The following PTPDC1 variants were observed in gnomAD, a reference collection of about 807,000 sequenced individuals.
The protein encoded by PTPDC1 is protein tyrosine phosphatase domain-containing protein 1.
Under a neutral mutation model 75.3 loss-of-function variants are expected in PTPDC1, and 53 were observed. That is an observed-to-expected ratio of 0.70 (90% CI 0.56 to 0.88). The LOEUF (loss-of-function observed/expected upper bound fraction) is 0.88. PTPDC1 is among the 40% of genes least tolerant of loss of function. The pLI is 0.00. For synonymous variants in PTPDC1, 349 were observed against 366.2 expected (o/e 0.95, Z 0.54); for missense variants, 925 against 998.6 (o/e 0.93, Z 0.99).
chr9:94,032,675 A>G (rs1210055692), intron 1 of PTPDC1, among the ~76,000 whole-genome samples: 1 of 152,098 alleles, frequency 6.6e-6, no homozygotes. Flanking sequence ...TTTGAAAGTT[A>G]CTATTAAAGT....
At chr9:94,032,494 C>T (rs1416100839) in intron 1 of PTPDC1, among the ~76,000 whole-genome samples, 1 of 152,168 alleles carries the variant, frequency 6.6e-6, no homozygotes, top group Non-Finnish European at 1.5e-5. Context: ...ACCATTCAAG[C>T]TTTGGAAGGA....
At chr9:94,083,957 A>G (rs1428740200), upstream of PTPDC1, among the ~76,000 whole-genome samples, 1 of 152,262 alleles carries the variant, frequency 6.6e-6, no homozygotes, top group Non-Finnish European at 1.5e-5. Context: ...AGTTTTACCA[A>G]GAAAAAATAG....
chr9:94,047,484 A>G (rs1368890448), intron 1 of PTPDC1, among the ~76,000 whole-genome samples: 10 of 152,292 alleles, frequency 6.6e-5, no homozygotes. Context: ...TAAAATTGAC[A>G]CCCTAACATC....
intron 4 of PTPDC1, among the ~76,000 whole-genome samples, chr9:94,093,715 G>A (rs1436590845): frequency 1.4e-5 from 2 of 144,808 alleles, no homozygotes; most frequent in Non-Finnish European, 3.0e-5. Flanking sequence ...TCACTTTCAG[G>A]TACACCAATC....
rs1304053161 is a variant in PTPDC1 at position 94,107,967 on chromosome 9, C to T, written c.*23C>T. 7.1e-7 allele frequency: 1 copy of T among 1,408,012 alleles called. No homozygotes were observed. The highest frequency in any genetic ancestry group is 1.3e-5 in the South Asian group (1 of 76,808). 87.2% of individuals were successfully genotyped at this position (1,408,012 alleles called of 1,614,324 possible). A position where few individuals can be genotyped will look rare whatever the true frequency, so the allele number is the denominator to read the frequency against. On this transcript the variant is annotated 3_prime_UTR_variant, in exon 9 of 9. Coordinates refer to ENST00000620992, the MANE Select transcript of PTPDC1 (RefSeq NM_001253829.2). Reference sequence around the variant, plus strand: ...TAGCTTTCACTCGTGGTGAATATTTCAGACCTAAAGATCCAGATAGTATCT... The same window carrying T: ...TAGCTTTCACTCGTGGTGAATATTTTAGACCTAAAGATCCAGATAGTATCT...
intron 1 of PTPDC1, among the ~76,000 whole-genome samples, chr9:94,040,829 T>A (rs1032360607): frequency 1.3e-5 from 2 of 152,228 alleles, no homozygotes; most frequent in Admixed American, 1.3e-4. Flanking sequence ...TAGCTCCTTT[T>A]ACCTGAAGAC....
At chr9:94,076,744 A>G (rs1026769149) in intron 2 of PTPDC1, among the ~76,000 whole-genome samples, 1 of 152,166 alleles carries the variant, frequency 6.6e-6, no homozygotes, top group Non-Finnish European at 1.5e-5. Context: ...TAATCATTTG[A>G]GGAACTGCCA....
In PTPDC1 at chr9:94,101,676, A is replaced by G; in HGVS notation, c.2124A>G (p.Val708=). The G allele has an allele frequency of 1.2e-6, 2 of 1,613,954 alleles. No homozygotes were observed. The highest frequency in any genetic ancestry group is 2.7e-5 in the African/African-American group (2 of 75,038). Residue 708 remains valine, a synonymous_variant, in exon 7 of 9, where the codon GTA becomes GTG. Transcript: ENST00000620992. ...GGGTGGAGCAACTGAAGGAGCCTGT[A>G]ATCACCAAAGAGGATGTGGACATGT... is the stretch of plus-strand genomic sequence containing the variant. The part of the protein sequence containing the change: ...WSWVEQLKEP[V]ITKEDVDMLV...
intron 8 of PTPDC1, among the ~76,000 whole-genome samples, chr9:94,107,525 G>C (rs1828066066): frequency 6.6e-6 from 1 of 152,152 alleles, no homozygotes; most frequent in Non-Finnish European, 1.5e-5. Context: ...TACCATCAAT[G>C]ATTAGTCTCA....
intron 1 of PTPDC1, among the ~76,000 whole-genome samples, chr9:94,057,807 G>A (rs1274979847): frequency 6.6e-6 from 1 of 152,086 alleles, no homozygotes; most frequent in African/African-American, 2.4e-5. Flanking sequence ...TTATGCAAAG[G>A]TAATGCATAT....
chr9:94,033,323 A>G (rs572385701), intron 1 of PTPDC1, among the ~76,000 whole-genome samples: 114 of 152,360 alleles, frequency 7.5e-4, no homozygotes, highest in African/African-American at 2.5e-3. Context: ...AAAATGATGT[A>G]AGTTGAATAA....
At chr9:94,066,958 T>C (rs1826329411) in intron 2 of PTPDC1, among the ~76,000 whole-genome samples, 1 of 152,130 alleles carries the variant, frequency 6.6e-6, no homozygotes, top group Non-Finnish European at 1.5e-5. Context: ...ATTTGTATCA[T>C]CCCCCATATA....
chr9:94,034,549 CAGAAA>C (rs1385033897), intron 1 of PTPDC1, among the ~76,000 whole-genome samples: 2 of 151,968 alleles, frequency 1.3e-5, no homozygotes, highest in East Asian at 3.9e-4. Flanking sequence ...ACCAAACAAA[CAGAAA>C]AGAAAACAGA....
At position 94,087,835 on chromosome 9, in the gene PTPDC1, A is replaced by T; in HGVS notation, c.421A>T (p.Thr141Ser). The change falls in exon 3 of 9, where the codon ACT becomes TCT. Residue 141 changes from threonine to serine, a missense_variant. Physicochemically the swap from Thr to Ser is moderately conservative, Grantham distance 58. Transcript: ENST00000620992. ...AIKGVYSSWV[T>S]DNILAMARPS... ...AGTCCCTCCACCTATTTGCAGGGTC[A>T]CTGATAATATACTGGCCATGGCCCG... is the stretch of plus-strand genomic sequence containing the variant. 1 of 1,612,798 alleles carries T rather than the reference A, an allele frequency of 6.2e-7. No individual in the cohort carries two copies. Among genetic ancestry groups the T allele is most frequent in the South Asian group, 1.1e-5 (1 of 91,006 alleles).
chr9:94,098,442 T>G lies in PTPDC1; in HGVS notation c.1876T>G (p.Ser626Ala). 1 of 1,614,146 alleles carries G rather than the reference T, an allele frequency of 6.2e-7. No homozygotes were observed. The highest frequency in any genetic ancestry group is 8.5e-7 in the Non-Finnish European group (1 of 1,180,020). The change falls in exon 6 of 9, where the codon TCT (serine) becomes GCT (alanine). Residue 626 changes from serine (S) to alanine (A), a missense_variant. Coordinates refer to ENST00000620992, the MANE Select transcript of PTPDC1 (RefSeq NM_001253829.2). ...EHETQDSKDL[S>A]EAASHSALQS... The stretch of plus-strand genomic sequence containing the variant: ...TGAAACCCAGGACAGTAAAGATCTG[T>G]CTGAAGCAGCTTCACACTCTGCATT...
chr9:94,044,320 GT>G (rs1250797812), intron 1 of PTPDC1, among the ~76,000 whole-genome samples: 3 of 152,158 alleles, frequency 2.0e-5, no homozygotes, highest in Non-Finnish European at 2.9e-5. Flanking sequence ...TTTACTTTAA[GT>G]TCCAGGGTAC....
intron 2 of PTPDC1, among the ~76,000 whole-genome samples, chr9:94,069,250 C>T (rs1826427208): frequency 6.6e-6 from 1 of 152,154 alleles, no homozygotes; most frequent in Non-Finnish European, 1.5e-5. Flanking sequence ...ACAGTCATCC[C>T]TCCTTGTACA....
chr9:94,064,841 C>A, intron 2 of PTPDC1: 1 of 1,563,778 alleles, frequency 6.4e-7, no homozygotes, highest in Non-Finnish European at 8.8e-7. Flanking sequence ...CTTTAATACA[C>A]TTTTTGTCTC....
At chr9:94,104,713 CTT>C (rs989045680) in intron 8 of PTPDC1, among the ~76,000 whole-genome samples, 2 of 152,156 alleles carry the variant, frequency 1.3e-5, no homozygotes, top group African/African-American at 4.8e-5. Context: ...GTCAGAGAAT[CTT>C]TGCTTGTCGA....
Sources: gnomAD v4.1 joint callset for allele counts (sites outside exome capture counted in the v4.1 genomes callset) on GRCh38, gnomAD v4.1.1 for gene constraint, MANE v1.5 for transcripts, NCBI Gene and HGNC (gene_info 2026-07-23, HGNC 2026-07-21) for gene names.